Variants in TCF4 observed in about 807,000 individuals in gnomAD.
TCF4 encodes transcription factor 4, also known as SL3-3 enhancer factor 2.
Under a neutral mutation model 82.1 loss-of-function variants are expected in TCF4, and 3 were observed. The observed-to-expected ratio is 0.04, with a 90% CI of 0.02 to 0.09. TCF4 has a LOEUF of 0.09. Among genes scored for constraint, TCF4 ranks in the 10% least tolerant of loss-of-function variants. The pLI is 1.00. For missense variants in TCF4, 518 were observed against 852.7 expected, an observed-to-expected ratio of 0.61 and a Z score of 4.89; for synonymous variants, 276 against 309.6, an observed-to-expected ratio of 0.89 and a Z score of 1.14.
chr18:55,280,288 A>C (rs2062319644), intron 8 of TCF4, among the ~76,000 whole-genome samples: 1 of 152,162 alleles, frequency 6.6e-6, no homozygotes, highest in Non-Finnish European at 1.5e-5. Context: ...AAGCGGGAGG[A>C]GGGAGCCCTC....
At chr18:55,619,407 GT>G (rs2097715483) in intron 2 of TCF4, among the ~76,000 whole-genome samples, 2 of 151,984 alleles carry the variant, frequency 1.3e-5, no homozygotes, top group Admixed American at 1.3e-4. Context: ...CCTGATACTG[GT>G]AATTTGTGGC....
intron 3 of TCF4, among the ~76,000 whole-genome samples, chr18:55,501,267 C>T (rs1412044265): frequency 6.6e-6 from 1 of 152,008 alleles, no homozygotes; most frequent in African/African-American, 2.4e-5. Context: ...GTTTCCAGTG[C>T]CTTAATTTTA....
At chr18:55,295,743 G>A (rs1051778984) in intron 8 of TCF4, among the ~76,000 whole-genome samples, 1 of 152,064 alleles carries the variant, frequency 6.6e-6, no homozygotes, top group African/African-American at 2.4e-5. Context: ...TGTACCATAA[G>A]CTTCTGGCAT....
At chr18:55,252,896 CATATT>C (rs2055674247) in intron 15 of TCF4, among the ~76,000 whole-genome samples, 1 of 152,228 alleles carries the variant, frequency 6.6e-6, no homozygotes, top group East Asian at 1.9e-4. Context: ...ACGAAAATCT[CATATT>C]ATATGCATCC....
intron 5 of TCF4, among the ~76,000 whole-genome samples, chr18:55,408,597 T>C (rs1481387119): frequency 6.6e-6 from 1 of 152,226 alleles, no homozygotes; most frequent in African/African-American, 2.4e-5. Context: ...TTATCATGTA[T>C]TAACCACTGC....
chr18:55,502,644 ACT>A (rs1017041431), intron 3 of TCF4, among the ~76,000 whole-genome samples: 5 of 152,152 alleles, frequency 3.3e-5, no homozygotes, highest in African/African-American at 1.2e-4. Flanking sequence ...TAAGTGTAAA[ACT>A]CTGACTTTGA....
intron 8 of TCF4, among the ~76,000 whole-genome samples, chr18:55,340,956 ACTGT>A (rs1196933517): frequency 6.6e-6 from 1 of 152,142 alleles, no homozygotes; most frequent in Non-Finnish European, 1.5e-5. Flanking sequence ...ACTATATTAT[ACTGT>A]CTTTGTTTAC....
intron 10 of TCF4, among the ~76,000 whole-genome samples, 183 bp from the exon 11 acceptor site, chr18:55,270,146 A>G (rs2060037752): frequency 6.6e-6 from 1 of 152,190 alleles, no homozygotes; most frequent in African/African-American, 2.4e-5. Context: ...TAAGTTATAC[A>G]GAAACATAGC....
upstream of TCF4, chr18:55,588,230 T>A: frequency 7.3e-7 from 1 of 1,378,092 alleles, no homozygotes; most frequent in Non-Finnish European, 9.4e-7. Context: ...TAACACCAAC[T>A]CTCTTCTCCG....
intron 8 of TCF4, among the ~76,000 whole-genome samples, chr18:55,283,800 G>C (rs2063114895): frequency 6.6e-6 from 1 of 152,164 alleles, no homozygotes; most frequent in Non-Finnish European, 1.5e-5. Flanking sequence ...AAAGAAACTA[G>C]AATGGAACCT....
chr18:55,585,214 A>G, intron 3 of TCF4, 66 bp downstream of exon 3: 1 of 1,478,124 alleles, frequency 6.8e-7, no homozygotes, highest in Non-Finnish European at 9.5e-7. Flanking sequence ...AGAGCCAAAA[A>G]CATACAATTG....
At position 55,401,469 on chromosome 18, in the gene TCF4, T is replaced by A. The variant is rs904573479; in HGVS notation, c.369+1985A>T. ...AGTCATAGTGCTATATACAAAAGAA[T>A]TTTCCTGGACATTAATGCCTCAAAA... On this transcript the variant is annotated intron_variant, in intron 6 of 19. Transcript: ENST00000354452. The A allele has an allele frequency of 6.0e-6, 6 of 994,716 alleles. No individual in the cohort carries two copies. The African/African-American group carries it at 1.0e-4, about 17-fold the overall frequency. The allele number at this position is 994,716 out of a possible 1,614,324, so 61.6% of individuals were successfully genotyped here.
chr18:55,301,017 T>C (rs1480494358), intron 8 of TCF4, among the ~76,000 whole-genome samples: 1 of 151,958 alleles, frequency 6.6e-6, no homozygotes, highest in Non-Finnish European at 1.5e-5. Flanking sequence ...ACCCCCCTGG[T>C]CCCTCAGCAC....
chr18:55,379,336 G>A (rs1191208397), intron 6 of TCF4, among the ~76,000 whole-genome samples: 2 of 152,208 alleles, frequency 1.3e-5, no homozygotes, highest in Admixed American at 1.3e-4. Context: ...GTTGTACATT[G>A]GACAATGTGC....
At chr18:55,600,400 A>T (rs2097695591) in intron 2 of TCF4, among the ~76,000 whole-genome samples, 1 of 152,194 alleles carries the variant, frequency 6.6e-6, no homozygotes, top group South Asian at 2.1e-4. Flanking sequence ...AGATTTATAT[A>T]TTGCTGCTGC....
At chr18:55,255,616 T>C (rs1424404020) in intron 14 of TCF4, among the ~76,000 whole-genome samples, 1 of 152,210 alleles carries the variant, frequency 6.6e-6, no homozygotes, top group Non-Finnish European at 1.5e-5. Flanking sequence ...CACTCTCCAG[T>C]GTACACTTTA....
At chr18:55,580,030 C>T (rs2097561782) in intron 3 of TCF4, among the ~76,000 whole-genome samples, 1 of 151,910 alleles carries the variant, frequency 6.6e-6, no homozygotes, top group Non-Finnish European at 1.5e-5. Context: ...AAGTGATTTC[C>T]TCATTACAAT....
intron 5 of TCF4, among the ~76,000 whole-genome samples, chr18:55,438,530 A>G (rs1410342042): frequency 6.6e-6 from 1 of 152,226 alleles, no homozygotes; most frequent in African/African-American, 2.4e-5. Flanking sequence ...TCTCCATTGG[A>G]TGAAGTCTAA....
At chr18:55,254,471 TAG>T (rs2056248491) in intron 15 of TCF4, 24 bp downstream of exon 15, 6 of 1,605,646 alleles carry the variant, frequency 3.7e-6, no homozygotes, top group Non-Finnish European at 5.1e-6. Context: ...ATGATAACTA[TAG>T]AGTCTATAAA....
Sources: allele counts gnomAD v4.1 joint callset (sites outside exome capture counted in the v4.1 genomes callset), GRCh38; gene constraint gnomAD v4.1.1; transcripts MANE v1.5; gene names NCBI Gene and HGNC (gene_info 2026-07-23, HGNC 2026-07-21).